The following SELENOF variants were observed in gnomAD, a reference collection of about 807,000 sequenced individuals.
SELENOF encodes the protein 15 kDa selenoprotein.
In SELENOF, 16 loss-of-function variants were observed where a neutral mutation model predicts 20.5. The observed-to-expected ratio is 0.78, with a 90% CI of 0.53 to 1.19. SELENOF has a LOEUF of 1.19. Ranked by LOEUF, SELENOF falls within the 50% of genes most tolerant of loss-of-function variation. The probability of loss-of-function intolerance (pLI) is 0.00; values close to 1 mark genes in which losing one functional copy is unlikely to be tolerated. For missense variants in SELENOF, 215 were observed against 194.2 expected (o/e 1.11, Z -0.64); for synonymous variants, 78 against 74.5 (o/e 1.05, Z -0.24).
In SELENOF at chr1:86,862,580, C is replaced by T. The variant is rs1658482245; in HGVS notation, c.*894G>A. 1 of 151,832 alleles carries T rather than the reference C, an allele frequency of 6.6e-6. No homozygotes were observed. Among genetic ancestry groups the T allele is most frequent in the African/African-American group, 2.4e-5 (1 of 41,338 alleles). The allele number at this position is 151,832 out of a possible 1,614,324, so 9.4% of individuals were successfully genotyped here. ...ATCAGACAAATATAAAGCACTATTA[C>T]CAACAATAAGATGTTATAAGTTTTA... is the stretch of plus-strand genomic sequence containing the variant. On this transcript the variant is annotated 3_prime_UTR_variant, in exon 5 of 5. Transcript: ENST00000331835.
At chr1:86,901,795 A>G (rs1310736677) in intron 2 of SELENOF, among the ~76,000 whole-genome samples, 3 of 152,242 alleles carry the variant, frequency 2.0e-5, no homozygotes, top group Non-Finnish European at 2.9e-5. Flanking sequence ...AGAACTACTA[A>G]GAAAAGGCAG....
chr1:86,878,626 G>A (rs1439678289), intron 3 of SELENOF, among the ~76,000 whole-genome samples: 1 of 152,192 alleles, frequency 6.6e-6, no homozygotes, highest in Admixed American at 6.5e-5. Context: ...AGGTTGCGGT[G>A]AGCTGAAATT....
chr1:86,867,527 C>CAACAACAACAACAAA (rs1658634088), intron 4 of SELENOF, among the ~76,000 whole-genome samples: 1 of 150,984 alleles, frequency 6.6e-6, no homozygotes, highest in African/African-American at 2.5e-5. Context: ...ACAACAACAA[C>CAACAACAACAACAAA]AAATCAGTGG....
At chr1:86,888,566 G>T (rs1659289467) in intron 2 of SELENOF, among the ~76,000 whole-genome samples, 1 of 152,072 alleles carries the variant, frequency 6.6e-6, no homozygotes, top group Admixed American at 6.5e-5. Flanking sequence ...GAGCCACCGT[G>T]CCCTGGCAGA....
At chr1:86,904,051 GATTT>G (rs1467241473) in intron 1 of SELENOF, among the ~76,000 whole-genome samples, 1 of 152,064 alleles carries the variant, frequency 6.6e-6, no homozygotes, top group African/African-American at 2.4e-5. Context: ...TTTTCTTAAA[GATTT>G]ATTGTTTTAA....
intron 3 of SELENOF, among the ~76,000 whole-genome samples, chr1:86,870,769 C>T (rs1658741538): frequency 6.6e-6 from 1 of 152,174 alleles, no homozygotes; most frequent in South Asian, 2.1e-4. Flanking sequence ...CAGGCACCCG[C>T]CACCACGCAC....
At chr1:86,881,769 G>A (rs1296209783) in intron 2 of SELENOF, among the ~76,000 whole-genome samples, 1 of 152,160 alleles carries the variant, frequency 6.6e-6, no homozygotes, top group South Asian at 2.1e-4. Flanking sequence ...ACAGTTTGAT[G>A]ACTTTGGGCT....
At position 86,914,103 on chromosome 1, in the gene SELENOF, C is replaced by T. The variant is rs745480465; in HGVS notation, c.9G>A (p.Ala3=). Reference sequence around the variant, plus strand: ...GACACCCACTCGGCCCAGCCGCCATCGCTACCATTTTCCGCAGGTTTCTGG... The same window carrying T: ...GACACCCACTCGGCCCAGCCGCCATTGCTACCATTTTCCGCAGGTTTCTGG... MV[A]MAAGPSGCLV... is the part of the protein sequence containing the mutation. Residue 3 remains alanine (A), a synonymous_variant, in exon 1 of 5, where the codon GCG becomes GCA. Coordinates refer to ENST00000331835, the MANE Select transcript of SELENOF (RefSeq NM_004261.5). The T allele has an allele frequency of 3.1e-6, 5 of 1,614,012 alleles. No individual in the cohort carries two copies. The highest frequency in any genetic ancestry group is 1.3e-5 in the African/African-American group (1 of 75,048).
chr1:86,872,550 T>C (rs563747421), intron 3 of SELENOF, among the ~76,000 whole-genome samples: 1 of 151,988 alleles, frequency 6.6e-6, no homozygotes, highest in South Asian at 2.1e-4. Flanking sequence ...TTTTTTTTTT[T>C]TTGTATTTTT....
chr1:86,899,796 C>T (rs1293762578), intron 2 of SELENOF, among the ~76,000 whole-genome samples: 4 of 144,546 alleles, frequency 2.8e-5, no homozygotes, highest in Non-Finnish European at 4.6e-5. Context: ...TCAGACGGGG[C>T]GGCTGCCGGG....
chr1:86,914,372 TCAAG>T (rs1434671345), upstream of SELENOF: 2 of 525,432 alleles, frequency 3.8e-6, no homozygotes, highest in Non-Finnish European at 6.9e-6. Context: ...CGACACTTCG[TCAAG>T]CAGCCAAGAA....
Position 86,914,097 on chromosome 1 carries a change from C to G in SELENOF, c.15G>C (p.Ala5=). 1 of 1,613,996 alleles carries G rather than the reference C, an allele frequency of 6.2e-7. No individual in the cohort carries two copies. The highest frequency in any genetic ancestry group is 8.5e-7 in the Non-Finnish European group (1 of 1,179,896). The change falls in exon 1 of 5, where the codon GCG becomes GCC. Residue 5 remains alanine (A), a synonymous_variant. Transcript: ENST00000331835. MVAM[A]AGPSGCLVPA... ...GCACCAGACACCCACTCGGCCCAGC[C>G]GCCATCGCTACCATTTTCCGCAGGT...
At chr1:86,903,533 A>G (rs1659756780) in intron 1 of SELENOF, 85 bp from the exon 2 acceptor site, 1 of 929,010 alleles carries the variant, frequency 1.1e-6, no homozygotes, top group South Asian at 2.3e-5. Flanking sequence ...GTTGTCAAAA[A>G]CTAACACATT....
At chr1:86,908,603 T>C (rs1232990814) in intron 1 of SELENOF, among the ~76,000 whole-genome samples, 2 of 152,240 alleles carry the variant, frequency 1.3e-5, no homozygotes, top group African/African-American at 4.8e-5. Flanking sequence ...TTATCGTATG[T>C]ACCACTAATA....
chr1:86,913,150 AG>A (rs762812901), intron 1 of SELENOF, among the ~76,000 whole-genome samples: 27 of 152,344 alleles, frequency 1.8e-4, no homozygotes, highest in Non-Finnish European at 2.6e-4. Context: ...GTGTTCATAG[AG>A]GACTCCGGTG....
intron 1 of SELENOF, among the ~76,000 whole-genome samples, chr1:86,907,135 C>T (rs567892685): frequency 6.6e-6 from 1 of 152,274 alleles, no homozygotes; most frequent in African/African-American, 2.4e-5. Flanking sequence ...ACAGAGCTAC[C>T]TTATTTCTAA....
At position 86,863,413 on chromosome 1, in the gene SELENOF, A is replaced by G; in HGVS notation, c.*61T>C. 1 of 1,391,140 alleles carries G rather than the reference A, an allele frequency of 7.2e-7. No homozygotes were observed. The highest frequency in any genetic ancestry group is 9.9e-7 in the Non-Finnish European group (1 of 1,011,622). 86.2% of individuals were successfully genotyped at this position (1,391,140 alleles called of 1,614,324 possible). On this transcript the variant is annotated 3_prime_UTR_variant, in exon 5 of 5. Coordinates refer to ENST00000331835, the MANE Select transcript of SELENOF (RefSeq NM_004261.5). ...AGCAAGCAAAACTAAATTATTTTCT[A>G]GGTGCTGTAATATTTCATTTGATAA...
rs1388580988 is a variant in SELENOF, at chr1:86,880,632, G to C, written c.316+30C>G. ...CATAAAATGTTGATTTTAAATGACT[G>C]AACAGTTTACTGGAGTAAATTTTAT... On this transcript the variant is annotated intron_variant, in intron 3 of 4. Coordinates refer to ENST00000331835, the MANE Select transcript of SELENOF (RefSeq NM_004261.5). 3.1e-6 allele frequency: 4 copies of C among 1,300,342 alleles called. No homozygotes were observed. In the East Asian group the frequency reaches 7.3e-5, roughly 24 times the overall value. 80.6% of individuals were successfully genotyped at this position (1,300,342 alleles called of 1,614,324 possible). A position where few individuals can be genotyped will look rare whatever the true frequency, so the allele number is the denominator to read the frequency against.
Position 86,887,060 on chromosome 1 carries a change from C to T in SELENOF, c.253-6335G>A. The T allele has an allele frequency of 3.8e-6, 5 of 1,314,906 alleles. No individual in the cohort carries two copies. In the East Asian group the frequency reaches 1.5e-4, roughly 38 times the overall value. 81.5% of individuals were successfully genotyped at this position (1,314,906 alleles called of 1,614,324 possible). A position where few individuals can be genotyped will look rare whatever the true frequency, so the allele number is the denominator to read the frequency against. On this transcript the variant is annotated intron_variant, in intron 2 of 4. Transcript: ENST00000331835. ...CGAATTCTCAGGGAAAATATTATCA[C>T]CTAAACCATGTTTAGTGATCTACTG...
Sources: gnomAD v4.1 joint callset for allele counts (sites outside exome capture counted in the v4.1 genomes callset) on GRCh38, gnomAD v4.1.1 for gene constraint, MANE v1.5 for transcripts, NCBI Gene and HGNC (gene_info 2026-07-23, HGNC 2026-07-21) for gene names.